Variants in FAM107A observed in about 807,000 individuals in gnomAD.
FAM107A encodes family with sequence similarity 107 member A.
A neutral mutation model predicts 13.7 loss-of-function variants in FAM107A; 19 were observed. That is an observed-to-expected ratio of 1.38 (90% CI 0.97 to 2.03). The LOEUF (loss-of-function observed/expected upper bound fraction) is 2.03. Ranked by LOEUF, FAM107A falls within the 30% of genes most tolerant of loss-of-function variation. The pLI is 0.00. For missense variants in FAM107A, 203 were observed against 184.4 expected (o/e 1.10, Z -0.58); for synonymous variants, 82 against 74.5 (o/e 1.10, Z -0.52).
chr3:58,603,414 G>A (rs1372188053), intron 1 of FAM107A, among the ~76,000 whole-genome samples: 3 of 152,150 alleles, frequency 2.0e-5, no homozygotes, highest in Non-Finnish European at 2.9e-5. Context: ...AGATTTTCTA[G>A]GAGAGCTTGA....
upstream of FAM107A, among the ~76,000 whole-genome samples, chr3:58,590,329 C>T (rs181444844): frequency 5.3e-5 from 8 of 152,320 alleles, no homozygotes; most frequent in Admixed American, 5.2e-4. Context: ...TGCAACCCCA[C>T]AGTTGTCTGA....
rs138763847 is a variant in FAM107A, at chr3:58,603,372, G to A, written c.-69-14103C>T. Among the ~76,000 whole-genome samples, 38 of 152,250 alleles carry A rather than the reference G, an allele frequency of 2.5e-4. 1 individual carries two copies. The highest frequency in any genetic ancestry group is 3.9e-4 in the East Asian group (2 of 5,190). ...TGCATTCTATTATTGGATGCTCACC[G>A]TGGCCCAAGTGGTAGGTACCATCAT... On this transcript the variant is annotated intron_variant, in intron 1 of 3. Transcript: ENST00000465970.
intron 1 of FAM107A, among the ~76,000 whole-genome samples, chr3:58,575,082 C>T (rs918369844): frequency 5.9e-5 from 9 of 152,210 alleles, no homozygotes; most frequent in Non-Finnish European, 1.5e-5. Context: ...GTGTCCCTTC[C>T]ACTTGCCTCT....
Position 58,583,421 on chromosome 3 carries a change from G to A in FAM107A, c.79+3437C>T, listed in dbSNP as rs182589708. Among the ~76,000 whole-genome samples, 128 of 152,160 alleles carry A rather than the reference G, an allele frequency of 8.4e-4. 2 individuals are homozygous for A. The East Asian group carries it at 0.022, about 26-fold the overall frequency. ...GTGGATGACCTCAGGTCAGGAGTTCGAGACCAGCCTGACCAACATGGTGAA... is the reference window on the plus strand; with the variant it reads ...GTGGATGACCTCAGGTCAGGAGTTCAAGACCAGCCTGACCAACATGGTGAA... On this transcript the variant is annotated intron_variant, in intron 1 of 3. Coordinates refer to the FAM107A transcript ENST00000447756.
chr3:58,600,658 C>T lies in FAM107A; in HGVS notation c.-69-11389G>A, dbSNP rs114005997. On this transcript the variant is annotated intron_variant, in intron 1 of 3. Coordinates refer to the FAM107A transcript ENST00000465970. ...GAACATGGTAGCCACTAGCCACATGCGACTATTTAAGACTTGAGATGTGGC... is the reference window on the plus strand; with the variant it reads ...GAACATGGTAGCCACTAGCCACATGTGACTATTTAAGACTTGAGATGTGGC... 2.6e-4 allele frequency among the ~76,000 whole-genome samples: 40 copies of T among 152,318 alleles called. 1 individual carries two copies. Among genetic ancestry groups the T allele is most frequent in the Non-Finnish European group, 2.9e-4 (20 of 68,038 alleles).
chr3:58,569,784 G>A lies in FAM107A; in HGVS notation c.77C>T (p.Pro26Leu), dbSNP rs764099823. 2.3e-5 allele frequency: 37 copies of A among 1,614,062 alleles called. No individual in the cohort carries two copies. The highest frequency in any genetic ancestry group is 3.3e-5 in the Admixed American group (2 of 60,014). ...CAGCTTCTTGGGCTTGATGAGCTCC[G>A]GATTCCACTCTCTGTATTCTGGCCG... is the stretch of plus-strand genomic sequence containing the variant. ...MARPEYREWN[P>L]ELIKPKKLLN... Residue 26 changes from proline (P) to leucine (L), a missense_variant, in exon 2 of 4, where the codon CCG (proline) becomes CTG (leucine). By Grantham distance (98) the Pro-to-Leu change is moderately conservative. Coordinates refer to ENST00000360997, the MANE Select transcript of FAM107A (RefSeq NM_001076778.3). The surrounding 1 kb of genome is among the most constrained non-coding windows in gnomAD (Gnocchi z 5.7).
intron 1 of FAM107A, among the ~76,000 whole-genome samples, chr3:58,586,581 C>T (rs1428520212): frequency 2.0e-5 from 3 of 151,868 alleles, no homozygotes; most frequent in Non-Finnish European, 2.9e-5. Context: ...CCCAGCTACT[C>T]GGGAGGCTGA....
At chr3:58,612,409 G>A (rs1464478899) in intron 1 of FAM107A, among the ~76,000 whole-genome samples, 4 of 151,926 alleles carry the variant, frequency 2.6e-5, no homozygotes, top group South Asian at 2.1e-4. Context: ...GTGATAACTC[G>A]TCTCTACAAA....
At chr3:58,620,543 T>G (rs1202597155) in intron 1 of FAM107A, among the ~76,000 whole-genome samples, 1 of 152,258 alleles carries the variant, frequency 6.6e-6, no homozygotes, top group Non-Finnish European at 1.5e-5. Flanking sequence ...TTCTCCCTCC[T>G]AAGCTGGGCT....
chr3:58,614,211 G>C (rs1307283469), intron 1 of FAM107A, among the ~76,000 whole-genome samples: 1 of 152,222 alleles, frequency 6.6e-6, no homozygotes, highest in Non-Finnish European at 1.5e-5. Flanking sequence ...GTGCCGCCAG[G>C]TCCTGGCTGT....
At chr3:58,593,977 C>T (rs4681694) in intron 1 of FAM107A, among the ~76,000 whole-genome samples, 2 of 151,830 alleles carry the variant, frequency 1.3e-5, no homozygotes, top group African/African-American at 4.8e-5. Context: ...ACCCCTCCCC[C>T]CCACCATATT....
At chr3:58,605,511 C>T (rs2065786399) in intron 1 of FAM107A, among the ~76,000 whole-genome samples, 1 of 152,216 alleles carries the variant, frequency 6.6e-6, no homozygotes, top group Non-Finnish European at 1.5e-5. Flanking sequence ...CGTCCTGTGC[C>T]ATAGTTGGGA....
intron 1 of FAM107A, among the ~76,000 whole-genome samples, chr3:58,594,229 A>G (rs1346115899): frequency 2.0e-5 from 3 of 152,186 alleles, no homozygotes; most frequent in African/African-American, 7.2e-5. Flanking sequence ...ATTGCTTAGG[A>G]AGACATTTGC....
intron 1 of FAM107A, among the ~76,000 whole-genome samples, chr3:58,573,900 T>C (rs892900390): frequency 8.5e-5 from 13 of 152,352 alleles, no homozygotes; most frequent in Admixed American, 2.6e-4. Flanking sequence ...ACAGCTGCTT[T>C]TGATCTGGTG....
At chr3:58,577,522 C>T (rs1016895473), upstream of FAM107A, 15 of 985,252 alleles carry the variant, frequency 1.5e-5, no homozygotes, top group Middle Eastern at 1.5e-3. The surrounding 1 kb of genome is among the most constrained non-coding windows in gnomAD (Gnocchi z 4.9). Context: ...ACTATAGTAA[C>T]AGATATTCCA....
intron 1 of FAM107A, among the ~76,000 whole-genome samples, chr3:58,619,381 C>A (rs993456687): frequency 1.3e-5 from 2 of 152,060 alleles, no homozygotes; most frequent in South Asian, 4.1e-4. Context: ...AAGGTGCCAC[C>A]GAACCAAATC....
chr3:58,612,451 A>G (rs2065863656), intron 1 of FAM107A, among the ~76,000 whole-genome samples: 3 of 152,082 alleles, frequency 2.0e-5, no homozygotes, highest in African/African-American at 4.8e-5. Flanking sequence ...CTGGAGGCAC[A>G]TACCTATAGT....
rs757345690 is a variant in FAM107A, at chr3:58,569,794, C to T, written c.67G>A (p.Glu23Lys). ...GGLMARPEYR[E>K]WNPELIKPKK... ...GGCTTGATGAGCTCCGGATTCCACTCTCTGTATTCTGGCCGGGCCATCAGG... is the reference window on the plus strand; with the variant it reads ...GGCTTGATGAGCTCCGGATTCCACTTTCTGTATTCTGGCCGGGCCATCAGG... The change falls in exon 2 of 4, where the codon GAG (glutamate) becomes AAG (lysine). Residue 23 changes from glutamate to lysine, a missense_variant. Transcript: ENST00000360997. This position sits in a 1 kb window ranked among gnomAD's most constrained non-coding sequence, Gnocchi z 5.7. 18 of 1,614,058 alleles carry T rather than the reference C, an allele frequency of 1.1e-5. No homozygotes were observed. Among genetic ancestry groups the T allele is most frequent in the African/African-American group, 2.7e-5 (2 of 74,938 alleles).
chr3:58,575,825 C>T (rs1004062896), intron 1 of FAM107A, among the ~76,000 whole-genome samples: 12 of 152,210 alleles, frequency 7.9e-5, no homozygotes, highest in African/African-American at 2.9e-4. Flanking sequence ...AGTCCACGGG[C>T]CTGTCTGGCC....
Sources: gnomAD v4.1 joint callset for allele counts (sites outside exome capture counted in the v4.1 genomes callset) on GRCh38, gnomAD v4.1.1 for gene constraint, Gnocchi (gnomAD v3.1) non-coding constraint, MANE v1.5 for transcripts, NCBI Gene and HGNC (gene_info 2026-07-23, HGNC 2026-07-21) for gene names.